KDELR1: variants seen among roughly 807,000 people sequenced by gnomAD.
KDELR1 encodes ER lumen protein-retaining receptor 1.
A neutral mutation model predicts 25.5 loss-of-function variants in KDELR1; 16 were observed. The ratio of observed to expected loss-of-function variants is 0.63; its 90% confidence interval spans 0.43 to 0.95. The LOEUF is 0.95. KDELR1 is among the 40% of genes least tolerant of loss of function. KDELR1 has a pLI of 0.00. For synonymous variants in KDELR1, 121 were observed against 115.0 expected, an observed-to-expected ratio of 1.05 and a Z score of -0.33; for missense variants, 159 against 265.2, an observed-to-expected ratio of 0.60 and a Z score of 2.78.
Position 48,389,617 on chromosome 19 carries a change from T to C in KDELR1, c.287A>G (p.Glu96Gly). 1 of 1,614,090 alleles carries C rather than the reference T, an allele frequency of 6.2e-7. No individual in the cohort carries two copies. Among genetic ancestry groups the C allele is most frequent in the East Asian group, 2.2e-5 (1 of 44,886 alleles). Reference protein sequence around the residue: ...YDGNHDTFRVEFLVVPTAILA... With the variant: ...YDGNHDTFRVGFLVVPTAILA... ...AATGGCTGTGGGAACGACCAGGAAC[T>C]CCACTCTGAACGTGTCATGGTTCCC... The change falls in exon 3 of 5, where the codon GAG (glutamate) becomes GGG (glycine). Residue 96 changes from glutamate to glycine, a missense_variant. By Grantham distance (98) the Glu-to-Gly change is moderately conservative. Transcript: ENST00000330720.
intron 3 of KDELR1, among the ~76,000 whole-genome samples, chr19:48,386,082 C>T (rs891230835): frequency 2.0e-5 from 3 of 151,464 alleles, no homozygotes; most frequent in African/African-American, 7.3e-5. Flanking sequence ...ACAGAGTCAC[C>T]GTTTAAAGAG....
chr19:48,392,135 C>A (rs1970564040), upstream of KDELR1, among the ~76,000 whole-genome samples: 2 of 143,374 alleles, frequency 1.4e-5, no homozygotes, highest in Non-Finnish European at 3.1e-5. Context: ...CCCAGGAGTC[C>A]AGGCCCCCAG....
chr19:48,392,772 CCA>C (rs199533353), upstream of KDELR1, among the ~76,000 whole-genome samples: 1 of 151,880 alleles, frequency 6.6e-6, no homozygotes, highest in Non-Finnish European at 1.5e-5. Context: ...TCTGCCCTGC[CCA>C]CACACACACA....
In KDELR1 at chr19:48,389,591, G is replaced by A. The variant is rs375953226; in HGVS notation, c.313C>T (p.Leu105=). 7 of 1,614,024 alleles carry A rather than the reference G, an allele frequency of 4.3e-6. No individual in the cohort carries two copies. Among genetic ancestry groups the A allele is most frequent in the East Asian group, 2.2e-5 (1 of 44,898 alleles). Residue 105 remains leucine (L), a synonymous_variant, in exon 3 of 5, where the codon CTG becomes TTG. Coordinates refer to ENST00000330720, the MANE Select transcript of KDELR1 (RefSeq NM_006801.3). ...VEFLVVPTAI[L]AFLVNHDFTP... is the part of the protein sequence containing the mutation. ...AAGTCATGATTGACCAGGAACGCCA[G>A]AATGGCTGTGGGAACGACCAGGAAC...
chr19:48,385,003 C>T (rs1319281864), intron 3 of KDELR1, among the ~76,000 whole-genome samples: 1 of 151,800 alleles, frequency 6.6e-6, no homozygotes, highest in South Asian at 2.1e-4. Context: ...TCTCCTGCCT[C>T]AGCCTCCTGA....
chr19:48,390,288 C>T, intron 2 of KDELR1, 136 bp downstream of exon 2: 1 of 620,006 alleles, frequency 1.6e-6, no homozygotes, highest in Non-Finnish European at 2.8e-6. Context: ...CCCAAGAGTC[C>T]AGGCCCCCGG....
upstream of KDELR1, among the ~76,000 whole-genome samples, chr19:48,391,722 G>A (rs1290235002): frequency 6.6e-6 from 1 of 152,148 alleles, no homozygotes; most frequent in Non-Finnish European, 1.5e-5. Context: ...GGTTCGGAAA[G>A]TGCCAAATCC....
In KDELR1 at chr19:48,391,310, T is replaced by C. The variant is rs569661873; in HGVS notation, c.49A>G (p.Ile17Val). Reference protein sequence around the residue: ...LGDLSHLLAIILLLLKIWKSR... With the variant: ...LGDLSHLLAIVLLLLKIWKSR... ...TTCCAGATTTTGAGCAGTAGCAAGA[T>C]GATGGCGAGGAGGTGGGAGAGGTCT... is the stretch of plus-strand genomic sequence containing the variant. Residue 17 changes from isoleucine to valine, a missense_variant, in exon 1 of 5, where the codon ATC becomes GTC. By Grantham distance (29) the Ile-to-Val change is conservative (BLOSUM62 3). Transcript: ENST00000330720. 5.8e-6 allele frequency: 9 copies of C among 1,559,526 alleles called. No individual in the cohort carries two copies. The highest frequency in any genetic ancestry group is 7.8e-6 in the Non-Finnish European group (9 of 1,151,526).
At chr19:48,395,744 G>GC (rs993040133), upstream of KDELR1, among the ~76,000 whole-genome samples, 34 of 152,182 alleles carry the variant, frequency 2.2e-4, no homozygotes, top group African/African-American at 6.7e-4. Context: ...CGGTGGGGGG[G>GC]CACCCAGGAT....
the KDELR1 span, among the ~76,000 whole-genome samples, chr19:48,396,714 G>A: frequency 6.6e-6 from 1 of 152,148 alleles, no homozygotes; most frequent in East Asian, 1.9e-4. Flanking sequence ...GGGAAGGTGA[G>A]GTGGTGGGCA....
At chr19:48,388,312 A>G (rs531609212) in intron 3 of KDELR1, among the ~76,000 whole-genome samples, 1 of 152,294 alleles carries the variant, frequency 6.6e-6, no homozygotes, top group East Asian at 1.9e-4. Flanking sequence ...TCTCACAATG[A>G]CCTGATCACA....
upstream of KDELR1, among the ~76,000 whole-genome samples, chr19:48,395,763 G>A (rs886922729): frequency 1.3e-5 from 2 of 152,138 alleles, no homozygotes; most frequent in East Asian, 3.9e-4. Context: ...ATGTTGGGAA[G>A]GATAGGGTTT....
the KDELR1 span, among the ~76,000 whole-genome samples, chr19:48,396,661 G>A: frequency 4.8e-4 from 73 of 151,998 alleles, no homozygotes; most frequent in African/African-American, 1.6e-3. Context: ...CATACTAGGA[G>A]CCCCCAACCC....
chr19:48,383,060 T>A lies in KDELR1; in HGVS notation c.*233A>T. ...GTCATCAGAATCAAAAACTAAAGAG[T>A]GGAAAGATTTTTTTTTCTTGTCTAA... On this transcript the variant is annotated 3_prime_UTR_variant, in exon 5 of 5. Transcript: ENST00000330720. The A allele has an allele frequency of 1.8e-6, 1 of 563,784 alleles. No individual in the cohort carries two copies. Among genetic ancestry groups the A allele is most frequent in the South Asian group, 2.3e-5 (1 of 43,844 alleles). The allele number at this position is 563,784 out of a possible 1,614,324, so 34.9% of individuals were successfully genotyped here.
At chr19:48,394,017 C>G (rs1049871994), upstream of KDELR1, among the ~76,000 whole-genome samples, 4 of 151,990 alleles carry the variant, frequency 2.6e-5, no homozygotes, top group African/African-American at 9.7e-5. This position sits in a 1 kb window ranked among gnomAD's most constrained non-coding sequence, Gnocchi z 5.1. Flanking sequence ...CCCGCTCCTT[C>G]CCCCCGGCCC....
intron 3 of KDELR1, chr19:48,387,687 G>GAAAAAAAAA (rs957905797): frequency 3.5e-5 from 3 of 86,870 alleles, no homozygotes; most frequent in African/African-American, 7.6e-5. Flanking sequence ...TCTCAAAAAA[G>GAAAAAAAAA]AAAAAAAAAA....
chr19:48,390,297 G>A (rs34974640), intron 2 of KDELR1, 127 bp downstream of exon 2: 102,531 of 513,464 alleles, frequency 0.2, 10,838 homozygotes, highest in East Asian at 0.36. Context: ...CCAGGCCCCC[G>A]GCCCCTCCTC....
upstream of KDELR1, among the ~76,000 whole-genome samples, chr19:48,394,250 G>A (rs575038578): frequency 1.3e-5 from 2 of 152,070 alleles, no homozygotes; most frequent in Non-Finnish European, 2.9e-5. This position sits in a 1 kb window ranked among gnomAD's most constrained non-coding sequence, Gnocchi z 5.1. Context: ...TCCCAGGGAA[G>A]TGAGATCGTG....
rs575099358 is a variant in KDELR1 at position 48,390,563 on chromosome 19, C to CAGAGAGAGAGAGAGAGAG, written c.92-40_92-39insCTCTCTCTCTCTCTCTCT. The CAGAGAGAGAGAGAGAGAG allele has an allele frequency of 6.4e-4, 627 of 980,052 alleles. 1 individual carries two copies. Among genetic ancestry groups the CAGAGAGAGAGAGAGAGAG allele is most frequent in the Middle Eastern group, 3.1e-3 (13 of 4,128 alleles). 60.7% of individuals were successfully genotyped at this position (980,052 alleles called of 1,614,324 possible). A position where few individuals can be genotyped will look rare whatever the true frequency, so the allele number is the denominator to read the frequency against. ...ACAGAGAAAGAGAGAGAGAGAGAGA[C>CAGAGAGAGAGAGAGAGAG]AGAGAGAGAGAGAGAGACAGACAGA... On this transcript the variant is annotated intron_variant, in intron 1 of 4. Coordinates refer to ENST00000330720, the MANE Select transcript of KDELR1 (RefSeq NM_006801.3).
Sources: allele counts gnomAD v4.1 joint callset (sites outside exome capture counted in the v4.1 genomes callset), GRCh38; gene constraint gnomAD v4.1.1; non-coding constraint Gnocchi (gnomAD v3.1); transcripts MANE v1.5; gene names NCBI Gene and HGNC (gene_info 2026-07-23, HGNC 2026-07-21).